The following ATRN variants were observed in gnomAD, a reference collection of about 807,000 sequenced individuals.
ATRN encodes the protein attractin.
A neutral mutation model predicts 178.7 loss-of-function variants in ATRN; 54 were observed. The ratio of observed to expected loss-of-function variants is 0.30; its 90% CI spans 0.24 to 0.38. ATRN has a LOEUF of 0.38. Among genes scored for constraint, ATRN ranks in the 10% least tolerant of loss-of-function variants. ATRN has a pLI of 1.00. For synonymous variants in ATRN, 636 were observed against 663.0 expected (o/e 0.96, Z 0.63); for missense variants, 1,443 against 1,815.1 (o/e 0.79, Z 3.73).
At chr20:3,598,620 A>G (rs952267590) in intron 22 of ATRN, among the ~76,000 whole-genome samples, 4 of 152,372 alleles carry the variant, frequency 2.6e-5, no homozygotes, top group South Asian at 4.1e-4. Context: ...ATGAAGCCCA[A>G]CCTGCCTTAA....
chr20:3,614,887 T>C (rs948662983), intron 24 of ATRN, among the ~76,000 whole-genome samples: 1 of 152,224 alleles, frequency 6.6e-6, no homozygotes, highest in South Asian at 2.1e-4. Context: ...TCACATGATA[T>C]GCTCTCACTT....
At chr20:3,506,136 CT>C (rs2085040574) in intron 1 of ATRN, among the ~76,000 whole-genome samples, 1 of 152,058 alleles carries the variant, frequency 6.6e-6, no homozygotes, top group African/African-American at 2.4e-5. Flanking sequence ...ATGCAGTTGA[CT>C]TATCAATGTC....
rs1370039912 is a variant in ATRN at position 3,471,520 on chromosome 20, G to T, written c.410+3G>T. On this transcript the variant is annotated splice_donor_region_variant and intron_variant, in intron 1 of 28. Transcript: ENST00000262919. ...CAGCACTGCGGGGGCCGCTTCAGGT[G>T]AGTGGCGGGTGGTGTCGGAGGGTCG... 1.4e-6 allele frequency: 2 copies of T among 1,389,678 alleles called. No individual in the cohort carries two copies. Among genetic ancestry groups the T allele is most frequent in the South Asian group, 1.7e-5 (1 of 60,392 alleles). 86.1% of individuals were successfully genotyped at this position (1,389,678 alleles called of 1,614,324 possible).
intron 8 of ATRN, 36 bp downstream of exon 8, chr20:3,560,941 A>C (rs1600107452): frequency 1.2e-6 from 2 of 1,605,118 alleles, no homozygotes; most frequent in Middle Eastern, 3.3e-4. Flanking sequence ...CCTTTTGAAC[A>C]TCAGATTTAA....
At chr20:3,472,102 G>T in intron 1 of ATRN, among the ~76,000 whole-genome samples, 1 of 152,216 alleles carries the variant, frequency 6.6e-6, no homozygotes, top group Non-Finnish European at 1.5e-5. Flanking sequence ...CTCCCTGGAG[G>T]TGGCAAATTG....
chr20:3,605,490 G>T (rs924015153), intron 24 of ATRN, among the ~76,000 whole-genome samples: 5 of 152,176 alleles, frequency 3.3e-5, no homozygotes, highest in Admixed American at 6.5e-5. Context: ...CAGTAGCAAA[G>T]ACATAGAATC....
In ATRN at chr20:3,549,334, C is replaced by G. The variant is rs751796320; in HGVS notation, c.1108C>G (p.Leu370Val). The G allele has an allele frequency of 1.9e-6, 3 of 1,547,398 alleles. No homozygotes were observed. Among genetic ancestry groups the G allele is most frequent in the East Asian group, 4.9e-5 (2 of 41,180 alleles). ...MFNHSDYNMV[L>V]AYDLASREWL... ...CAACCACTCAGATTATAACATGGTT[C>G]TAGCGTAAGTCGTTTTAAACATTTT... Residue 370 changes from leucine (L) to valine (V), a missense_variant, in exon 6 of 29, where the codon CTA becomes GTA. By Grantham distance (32) the Leu-to-Val change is conservative. This residue lies in a region of ATRN where 862 missense variants were observed against 972.1 expected (regional missense o/e 0.89). Transcript: ENST00000262919.
chr20:3,500,742 C>T (rs1228927433), intron 1 of ATRN, among the ~76,000 whole-genome samples: 3 of 150,072 alleles, frequency 2.0e-5, no homozygotes, highest in South Asian at 2.1e-4. Flanking sequence ...TGCTAGATGA[C>T]GAGTTAGTGG....
At chr20:3,491,448 C>G (rs759313602) in intron 1 of ATRN, among the ~76,000 whole-genome samples, 1 of 152,170 alleles carries the variant, frequency 6.6e-6, no homozygotes, top group African/African-American at 2.4e-5. Flanking sequence ...ACTCCATGCT[C>G]TCTCTCTTTT....
At chr20:3,643,724 GTTT>G (rs1269936823) in intron 27 of ATRN, among the ~76,000 whole-genome samples, 2 of 152,182 alleles carry the variant, frequency 1.3e-5, no homozygotes, top group Non-Finnish European at 2.9e-5. Context: ...AAAATAGAAT[GTTT>G]TTTAAGTCTC....
chr20:3,582,116 G>T lies in ATRN; in HGVS notation c.2545-19G>T. The T allele has an allele frequency of 6.3e-7, 1 of 1,591,290 alleles. No homozygotes were observed. The highest frequency in any genetic ancestry group is 1.3e-5 in the African/African-American group (1 of 74,548). On this transcript the variant is annotated intron_variant, in intron 15 of 28. Coordinates refer to ENST00000262919, the MANE Select transcript of ATRN (RefSeq NM_139321.3). ...AAAGATACTATCTGTATTCATAGTT[G>T]TGTCTCTTTTGCCTTTAGTCCAAGC...
At chr20:3,504,757 CAA>C (rs2085017232) in intron 1 of ATRN, among the ~76,000 whole-genome samples, 1 of 149,604 alleles carries the variant, frequency 6.7e-6, no homozygotes. Context: ...CCTTTCCTCC[CAA>C]GTTTCATCAG....
chr20:3,576,707 A>ATCTG lies in ATRN; in HGVS notation c.2215-149_2215-148insGTCT, dbSNP rs1600123036. On this transcript the variant is annotated intron_variant, in intron 13 of 28. Coordinates refer to ENST00000262919, the MANE Select transcript of ATRN (RefSeq NM_139321.3). ...TGTCTGTCTGTCTGTCTATCTATCT[A>ATCTG]TCTATCTATCTATCTATCTATCTAT... The ATCTG allele has an allele frequency of 1.8e-5, 8 of 450,170 alleles. No homozygotes were observed. The East Asian group carries it at 2.5e-4, about 14-fold the overall frequency. The allele number at this position is 450,170 out of a possible 1,614,324, so 27.9% of individuals were successfully genotyped here.
intron 2 of ATRN, among the ~76,000 whole-genome samples, chr20:3,539,241 C>T (rs1476011676): frequency 6.6e-6 from 1 of 152,078 alleles, no homozygotes; most frequent in Non-Finnish European, 1.5e-5. Flanking sequence ...TGGGCTGAAG[C>T]CAGGCTAGAG....
intron 20 of ATRN, 98 bp downstream of exon 20, chr20:3,594,670 G>C: frequency 9.9e-7 from 1 of 1,010,858 alleles, no homozygotes; most frequent in Non-Finnish European, 1.4e-6. Flanking sequence ...GTGTCTTGTT[G>C]CTGTGGGCTC....
At chr20:3,532,203 G>A (rs1469832171) in intron 1 of ATRN, among the ~76,000 whole-genome samples, 1 of 152,190 alleles carries the variant, frequency 6.6e-6, no homozygotes, top group African/African-American at 2.4e-5. Flanking sequence ...AAGTGTTCAC[G>A]TGAAGTCCAC....
chr20:3,562,608 G>A (rs972186810), intron 9 of ATRN, 149 bp downstream of exon 9: 3 of 692,740 alleles, frequency 4.3e-6, no homozygotes, highest in East Asian at 5.8e-5. Context: ...TAAACAGAGG[G>A]TAATAAAGTA....
At chr20:3,566,194 G>A (rs1010187566) in intron 11 of ATRN, among the ~76,000 whole-genome samples, 2 of 152,184 alleles carry the variant, frequency 1.3e-5, no homozygotes, top group Non-Finnish European at 2.9e-5. Context: ...GAGGTGGAGA[G>A]ATTGTGAAGT....
At chr20:3,507,236 C>T (rs2085057908) in intron 1 of ATRN, among the ~76,000 whole-genome samples, 1 of 151,502 alleles carries the variant, frequency 6.6e-6, no homozygotes, top group Non-Finnish European at 1.5e-5. Context: ...GAAACCCTGT[C>T]TCTACTAAAA....
Sources: gnomAD v4.1 joint callset for allele counts (sites outside exome capture counted in the v4.1 genomes callset) on GRCh38, gnomAD v4.1.1 for gene constraint, gnomAD v4.1.1 regional missense constraint, MANE v1.5 for transcripts, NCBI Gene and HGNC (gene_info 2026-07-23, HGNC 2026-07-21) for gene names.